ZNF804A: variants seen among roughly 807,000 people sequenced by gnomAD.
The protein encoded by ZNF804A is zinc finger protein 804A.
Under a neutral mutation model 16.5 loss-of-function variants are expected in ZNF804A, and 2 were observed. That is an observed-to-expected ratio of 0.12 (90% confidence interval 0.05 to 0.38). ZNF804A has a LOEUF of 0.38. Ranked by LOEUF, ZNF804A falls within the 10% of genes least tolerant of loss-of-function variation. ZNF804A has a pLI of 0.99. For missense variants in ZNF804A, 1,473 were observed against 1,390.7 expected (o/e 1.06, Z -0.94); for synonymous variants, 534 against 489.6 (o/e 1.09, Z -1.20).
intron 1 of ZNF804A, among the ~76,000 whole-genome samples, chr2:184,722,140 G>A (rs1438564967): frequency 3.3e-5 from 5 of 151,802 alleles, no homozygotes; most frequent in Non-Finnish European, 7.4e-5. Flanking sequence ...TCATTTTGAC[G>A]TAAAAAAAGC....
chr2:184,752,348 G>A (rs764547076), intron 1 of ZNF804A, among the ~76,000 whole-genome samples: 1 of 151,526 alleles, frequency 6.6e-6, no homozygotes, highest in Non-Finnish European at 1.5e-5. Flanking sequence ...TGGAGCTGAA[G>A]GTCATTATCC....
intron 1 of ZNF804A, among the ~76,000 whole-genome samples, chr2:184,856,617 G>T (rs1695691875): frequency 6.6e-6 from 1 of 152,016 alleles, no homozygotes; most frequent in Admixed American, 6.6e-5. Context: ...CAGGAATGAT[G>T]GTGATACCAA....
At chr2:184,637,868 C>CA (rs1691725845) in intron 1 of ZNF804A, among the ~76,000 whole-genome samples, 2 of 152,220 alleles carry the variant, frequency 1.3e-5, no homozygotes, top group Middle Eastern at 3.4e-3. Flanking sequence ...TCCTCACACA[C>CA]AAAAAATTGA....
intron 1 of ZNF804A, among the ~76,000 whole-genome samples, chr2:184,623,011 G>A (rs1559110753): frequency 6.6e-6 from 1 of 151,944 alleles, no homozygotes; most frequent in Non-Finnish European, 1.5e-5. Flanking sequence ...GGACAAGAAA[G>A]GCATTCCCTT....
chr2:184,787,706 C>G (rs1212349024), intron 1 of ZNF804A, among the ~76,000 whole-genome samples: 1 of 151,144 alleles, frequency 6.6e-6, no homozygotes, highest in Non-Finnish European at 1.5e-5. Flanking sequence ...TTTTTTGGTG[C>G]CTTTCTCGTT....
At chr2:184,845,896 A>G (rs571950534) in intron 1 of ZNF804A, among the ~76,000 whole-genome samples, 18 of 152,230 alleles carry the variant, frequency 1.2e-4, no homozygotes, top group Admixed American at 2.6e-4. Flanking sequence ...AAGAGTTCCT[A>G]CCAGTTCATG....
At chr2:184,785,273 C>A (rs1372787948) in intron 1 of ZNF804A, among the ~76,000 whole-genome samples, 2 of 151,858 alleles carry the variant, frequency 1.3e-5, no homozygotes, top group Non-Finnish European at 2.9e-5. Flanking sequence ...TGTAAATCTG[C>A]ATAAATTAAT....
chr2:184,807,693 T>C (rs1694830114), intron 1 of ZNF804A, among the ~76,000 whole-genome samples: 1 of 151,828 alleles, frequency 6.6e-6, no homozygotes, highest in Non-Finnish European at 1.5e-5. Flanking sequence ...GAGTCTTTTT[T>C]TTCCCAATTG....
intron 2 of ZNF804A, among the ~76,000 whole-genome samples, chr2:184,910,827 C>T (rs1685344167): frequency 6.6e-6 from 1 of 151,554 alleles, no homozygotes; most frequent in Non-Finnish European, 1.5e-5. Flanking sequence ...AGATTATTTG[C>T]TTTTTGCTTG....
intron 1 of ZNF804A, among the ~76,000 whole-genome samples, chr2:184,746,027 G>A (rs1693784492): frequency 6.6e-6 from 1 of 151,294 alleles, no homozygotes; most frequent in Non-Finnish European, 1.5e-5. Flanking sequence ...CCCCTAGAAA[G>A]GATCATGAAT....
In ZNF804A at chr2:184,790,371, T is replaced by C. The variant is rs1176718757; in HGVS notation, c.112-75998T>C. Among the ~76,000 whole-genome samples the C allele has an allele frequency of 5.3e-5, 8 of 152,130 alleles. No homozygotes were observed. The South Asian group carries it at 8.3e-4, about 16-fold the overall frequency. On this transcript the variant is annotated intron_variant, in intron 1 of 3. Coordinates refer to ENST00000302277, the MANE Select transcript of ZNF804A (RefSeq NM_194250.2). ...ATGTCTATTAGGTCCATTTTGTCTA[T>C]ATCCAGTTTAAGTCCAGAGGTTTTT...
intron 1 of ZNF804A, among the ~76,000 whole-genome samples, chr2:184,615,669 A>AT (rs796872385): frequency 2.5e-4 from 36 of 143,100 alleles, no homozygotes; most frequent in East Asian, 7.7e-4. Flanking sequence ...ATTTTTGGCT[A>AT]TTTTTTTAAC....
chr2:184,803,990 G>A (rs1472313480), intron 1 of ZNF804A, among the ~76,000 whole-genome samples: 1 of 152,074 alleles, frequency 6.6e-6, no homozygotes, highest in Non-Finnish European at 1.5e-5. Context: ...AGCCTCCTGA[G>A]TCTCTGGGAT....
intron 2 of ZNF804A, among the ~76,000 whole-genome samples, chr2:184,928,694 G>T (rs1472277175): frequency 1.3e-5 from 2 of 152,200 alleles, no homozygotes; most frequent in Non-Finnish European, 2.9e-5. Flanking sequence ...AGGCTTGCAG[G>T]AACTCAAGTT....
chr2:184,801,813 C>T (rs1254394235), intron 1 of ZNF804A, among the ~76,000 whole-genome samples: 1 of 152,158 alleles, frequency 6.6e-6, no homozygotes, highest in Non-Finnish European at 1.5e-5. Flanking sequence ...TTTGTCTCTT[C>T]AGAGTGTAGA....
intron 1 of ZNF804A, among the ~76,000 whole-genome samples, chr2:184,634,226 G>A (rs1436595303): frequency 6.6e-6 from 1 of 151,938 alleles, no homozygotes; most frequent in Non-Finnish European, 1.5e-5. Context: ...CTTAATTTCT[G>A]ATTAATTTTG....
chr2:184,667,030 G>A (rs981594291), intron 1 of ZNF804A, among the ~76,000 whole-genome samples: 1 of 151,894 alleles, frequency 6.6e-6, no homozygotes, highest in African/African-American at 2.4e-5. Context: ...GTATAGAAAG[G>A]CAAATAATCC....
At chr2:184,753,878 G>A (rs1267964073) in intron 1 of ZNF804A, among the ~76,000 whole-genome samples, 1 of 151,752 alleles carries the variant, frequency 6.6e-6, no homozygotes, top group African/African-American at 2.4e-5. Context: ...AGGCTTGCCA[G>A]ATTACAAAGT....
intron 2 of ZNF804A, among the ~76,000 whole-genome samples, chr2:184,930,713 A>T (rs913393860): frequency 7.9e-5 from 12 of 152,220 alleles, no homozygotes; most frequent in Non-Finnish European, 1.6e-4. Flanking sequence ...AATTTGGAGG[A>T]TCTAAATCAG....
Sources: allele counts gnomAD v4.1 joint callset (sites outside exome capture counted in the v4.1 genomes callset), GRCh38; gene constraint gnomAD v4.1.1; transcripts MANE v1.5; gene names NCBI Gene and HGNC (gene_info 2026-07-23, HGNC 2026-07-21).